Variants in NOX1 observed in about 807,000 individuals in gnomAD.
NOX1 encodes the protein NADPH oxidase 1, also known as NADH/NADPH mitogenic oxidase subunit P65-MOX.
A neutral mutation model predicts 42.5 loss-of-function variants in NOX1; 34 were observed. The observed-to-expected ratio is 0.80, with a 90% CI of 0.61 to 1.07. The LOEUF (loss-of-function observed/expected upper bound fraction) is 1.07, where lower values mean the gene tolerates loss of function less well. NOX1 is among the 50% of genes least tolerant of loss of function. The probability of loss-of-function intolerance (pLI) is 0.00; values close to 1 mark genes in which losing one functional copy is unlikely to be tolerated. For synonymous variants in NOX1, 143 were observed against 152.5 expected, an observed-to-expected ratio of 0.94 and a Z score of 0.46; for missense variants, 408 against 427.0, an observed-to-expected ratio of 0.96 and a Z score of 0.39.
rs769038956 is a variant in NOX1 at position 100,862,590 on chromosome X, G to A, written c.490-17C>T. On this transcript the variant is annotated splice_polypyrimidine_tract_variant and intron_variant, in intron 5 of 12. Transcript: ENST00000372966. ...CTCCACTGTCTGTGAAAGGAGAAAT[G>A]TCAGCCTGACACAATGTCCACCTGT... 9 of 1,203,136 alleles carry A rather than the reference G, an allele frequency of 7.5e-6. No individual in the cohort carries two copies. In the Admixed American group the frequency reaches 1.8e-4, roughly 23 times the overall value.
At chrX:100,867,390 C>T (rs2085245911) in intron 2 of NOX1, among the ~76,000 whole-genome samples, 1 of 112,520 alleles carries the variant, frequency 8.9e-6, no homozygotes, top group Non-Finnish European at 1.9e-5. Context: ...CATAGTGAAT[C>T]AAATTGTTCC....
intron 1 of NOX1, among the ~76,000 whole-genome samples, chrX:100,873,283 T>G (rs892784778): frequency 2.7e-5 from 3 of 111,137 alleles, no homozygotes; most frequent in Non-Finnish European, 5.7e-5. Context: ...GATAAAGGGG[T>G]TCTGGCCTGA....
chrX:100,868,263 A>T (rs1005827335), intron 2 of NOX1, among the ~76,000 whole-genome samples: 1 of 112,147 alleles, frequency 8.9e-6, no homozygotes, highest in Non-Finnish European at 1.9e-5. Flanking sequence ...AGAAAAAAGC[A>T]TTTTTTAAAA....
intron 1 of NOX1, among the ~76,000 whole-genome samples, chrX:100,872,062 G>A (rs2085278298): frequency 8.9e-6 from 1 of 112,016 alleles, no homozygotes; most frequent in Non-Finnish European, 1.9e-5. Context: ...AGTGATTAAT[G>A]CAATGCTTGG....
chrX:100,850,131 T>C lies in NOX1; in HGVS notation c.1133+20A>G. 1.7e-6 allele frequency: 2 copies of C among 1,165,087 alleles called. No individual in the cohort carries two copies. The highest frequency in any genetic ancestry group is 3.5e-5 in the African/African-American group (2 of 57,011). ...CAGTCTGCATCCTGGTCTGGGACTC[T>C]CCTGGTCTCAAGGACCTACCTGGGA... On this transcript the variant is annotated intron_variant, in intron 9 of 12. Coordinates refer to ENST00000372966, the MANE Select transcript of NOX1 (RefSeq NM_007052.5).
At position 100,863,507 on chromosome X, in the gene NOX1, G is replaced by A; in HGVS notation, c.230C>T (p.Ser77Phe). The A allele has an allele frequency of 8.3e-7, 1 of 1,211,173 alleles. No homozygotes were observed. The highest frequency in any genetic ancestry group is 1.1e-6 in the Non-Finnish European group (1 of 895,431). ...CACTGAGCAGGTGCCCCTCAGGAAGGACAGCAGATTGCGACACACAGGAAG... is the reference window on the plus strand; with the variant it reads ...CACTGAGCAGGTGCCCCTCAGGAAGAACAGCAGATTGCGACACACAGGAAG... ...ILLPVCRNLL[S>F]FLRGTCSFCS... Residue 77 changes from serine (S) to phenylalanine (F), a missense_variant, in exon 3 of 13, where the codon TCC becomes TTC. Physicochemically the swap from Ser to Phe is radical, Grantham distance 155. Transcript: ENST00000372966.
At chrX:100,854,889 A>G (rs2085155513) in intron 7 of NOX1, among the ~76,000 whole-genome samples, 1 of 110,902 alleles carries the variant, frequency 9.0e-6, no homozygotes. Context: ...AAGGAATGCT[A>G]ACTTCACACT....
chrX:100,848,816 C>T (rs1015103048), intron 11 of NOX1, 62 bp from the exon 12 acceptor site: 23 of 1,139,716 alleles, frequency 2.0e-5, no homozygotes, highest in Non-Finnish European at 2.7e-5. Flanking sequence ...TGGCTCACGC[C>T]TGTAATCCCA....
intron 2 of NOX1, among the ~76,000 whole-genome samples, chrX:100,864,282 G>A (rs2085224843): frequency 8.9e-6 from 1 of 112,355 alleles, no homozygotes; most frequent in South Asian, 3.7e-4. Flanking sequence ...GAGCCACCAT[G>A]CCTGGCCAAG....
chrX:100,869,219 G>A (rs2085257655), intron 2 of NOX1, among the ~76,000 whole-genome samples: 1 of 111,189 alleles, frequency 9.0e-6, no homozygotes, highest in African/African-American at 3.3e-5. Flanking sequence ...TAGCTTGATG[G>A]GGATGGCATT....
Position 100,851,262 on chromosome X carries a change from G to A in NOX1, c.868C>T (p.Arg290Cys). The change falls in exon 8 of 13, where the codon CGC becomes TGC. Residue 290 changes from arginine (R) to cysteine (C), a missense_variant. Arg to Cys is a radical substitution (Grantham distance 180, BLOSUM62 -3). Transcript: ENST00000372966. ...GTAATCACAACCTTCTGCTGGGAGC[G>A]GTAAAACCGGAGGATCCTTTCACAG... ...YICERILRFY[R>C]SQQKVVITKV... is the part of the protein sequence containing the mutation. 4 of 1,193,451 alleles carry A rather than the reference G, an allele frequency of 3.4e-6. No individual in the cohort carries two copies. The highest frequency in any genetic ancestry group is 4.5e-6 in the Non-Finnish European group (4 of 882,047).
At position 100,856,119 on chromosome X, in the gene NOX1, T is replaced by C. The variant is rs1257541047; in HGVS notation, c.805-4794A>G. 65 of 981,905 alleles carry C rather than the reference T, an allele frequency of 6.6e-5. 1 individual carries two copies. The Middle Eastern group carries it at 1.1e-3, about 17-fold the overall frequency. The allele number at this position is 981,905 out of a possible 1,213,427, so 80.9% of individuals were successfully genotyped here. On this transcript the variant is annotated intron_variant, in intron 7 of 12. Transcript: ENST00000372966. ...TGAGAATCTTCTCTTGAGACAGTTC[T>C]CTTTGGTTCCACAACTTTTCCATCC...
chrX:100,861,832 A>G (rs1186182257), intron 7 of NOX1, among the ~76,000 whole-genome samples: 1 of 112,426 alleles, frequency 8.9e-6, no homozygotes, highest in Non-Finnish European at 1.9e-5. Flanking sequence ...GTAATATCTC[A>G]TAGGCTATTG....
chrX:100,856,233 T>C, intron 7 of NOX1: 1 of 981,959 alleles, frequency 1.0e-6, no homozygotes, highest in Non-Finnish European at 1.4e-6. Flanking sequence ...CGCTTGGTGT[T>C]TGGATCTCTC....
intron 2 of NOX1, 62 bp from the exon 3 acceptor site, chrX:100,863,657 A>T: frequency 1.7e-6 from 2 of 1,150,470 alleles, no homozygotes; most frequent in Non-Finnish European, 2.3e-6. Flanking sequence ...CACGTGAGCA[A>T]CTGACCCAGC....
At chrX:100,855,525 C>T (rs1430969323) in intron 7 of NOX1, 19 of 736,361 alleles carry the variant, frequency 2.6e-5, no homozygotes, top group Admixed American at 4.5e-5. Flanking sequence ...GCCGCCTCTG[C>T]CTCCCTTGTT....
chrX:100,850,282 G>C lies in NOX1; in HGVS notation c.1002C>G (p.Leu334=). Residue 334 remains leucine (L), a synonymous_variant, in exon 9 of 13, where the codon CTC becomes CTG. Transcript: ENST00000372966. The stretch of plus-strand genomic sequence containing the variant: ...TCAAAGTAAAAGGATGCCATTCCAG[G>C]AGAGAGATTGAGGGGCAATTAACAA... ...YIFVNCPSIS[L]LEWHPFTLTS... 1.7e-6 allele frequency: 2 copies of C among 1,209,522 alleles called. No individual in the cohort carries two copies. Among genetic ancestry groups the C allele is most frequent in the Non-Finnish European group, 2.2e-6 (2 of 893,618 alleles).
chrX:100,848,577 G>A (rs899561151), intron 12 of NOX1, 53 bp downstream of exon 12: 5 of 1,150,438 alleles, frequency 4.3e-6, no homozygotes, highest in African/African-American at 3.6e-5. Context: ...CAGGCAGTAA[G>A]CCACCACGCA....
chrX:100,871,233 T>G (rs1280487015), intron 1 of NOX1, among the ~76,000 whole-genome samples: 1 of 112,649 alleles, frequency 8.9e-6, no homozygotes, highest in Non-Finnish European at 1.9e-5. Flanking sequence ...CATTTTTGTA[T>G]TGTTTATGGC....
Sources: allele counts gnomAD v4.1 joint callset (sites outside exome capture counted in the v4.1 genomes callset), GRCh38; gene constraint gnomAD v4.1.1; transcripts MANE v1.5; gene names NCBI Gene and HGNC (gene_info 2026-07-23, HGNC 2026-07-21).